Variants in PRSS57 observed in about 807,000 individuals in gnomAD.
PRSS57 encodes neutrophil serine protease 4.
Under a neutral mutation model 20.6 loss-of-function variants are expected in PRSS57, and 19 were observed. The ratio of observed to expected loss-of-function variants is 0.92; its 90% CI spans 0.64 to 1.35. The LOEUF is 1.35. PRSS57 is among the 40% of genes most tolerant of loss of function. The probability of loss-of-function intolerance (pLI) is 0.00; values close to 1 mark genes in which losing one functional copy is unlikely to be tolerated. For synonymous variants in PRSS57, 203 were observed against 176.6 expected, an observed-to-expected ratio of 1.15 and a Z score of -1.19; for missense variants, 440 against 403.7, an observed-to-expected ratio of 1.09 and a Z score of -0.77.
chr19:689,659 T>G (rs2031582261), intron 3 of PRSS57, among the ~76,000 whole-genome samples: 1 of 152,146 alleles, frequency 6.6e-6, no homozygotes, highest in Admixed American at 6.5e-5. Context: ...CAGCTCAGGT[T>G]TGTAATCCCA....
chr19:692,259 C>T (rs2031669771), intron 2 of PRSS57, among the ~76,000 whole-genome samples: 1 of 151,482 alleles, frequency 6.6e-6, no homozygotes, highest in African/African-American at 2.4e-5. Context: ...ATCCCAGCTA[C>T]TCGGGAGGCT....
intron 3 of PRSS57, 62 bp downstream of exon 3, chr19:691,796 G>T (rs2031655256): frequency 1.5e-6 from 2 of 1,297,524 alleles, no homozygotes; most frequent in Admixed American, 3.2e-5. Context: ...TCCAGCCCGA[G>T]CGACAGAGCG....
chr19:691,306 C>T (rs1327306736), intron 3 of PRSS57: 1 of 152,322 alleles, frequency 6.6e-6, no homozygotes, highest in Non-Finnish European at 1.5e-5. Context: ...GAGTTCGAGA[C>T]CAGCCTGGCC....
chr19:687,936 C>G (rs1303121863), intron 3 of PRSS57, among the ~76,000 whole-genome samples: 1 of 152,218 alleles, frequency 6.6e-6, no homozygotes, highest in Non-Finnish European at 1.5e-5. Flanking sequence ...TCAGCCATCT[C>G]AGCATGGATG....
chr19:691,614 G>A (rs1270420662), intron 3 of PRSS57, among the ~76,000 whole-genome samples: 1 of 151,836 alleles, frequency 6.6e-6, no homozygotes, highest in Non-Finnish European at 1.5e-5. Flanking sequence ...GAAGTCAGGA[G>A]CTTGAGACCA....
chr19:686,997 G>A lies in PRSS57; in HGVS notation c.570C>T (p.Ser190=). Residue 190 remains serine (S), a synonymous_variant, in exon 4 of 5, where the codon TCC becomes TCT. Coordinates refer to ENST00000329267, the MANE Select transcript of PRSS57 (RefSeq NM_001308209.2). ...TGGTAAGTGTCAGGTGGCCCTTCCA[G>A]GAGCTGTTGCAGACGTCCGGGTCCA... is the stretch of plus-strand genomic sequence containing the variant. ...RVLDPDVCNS[S]WKGHLTLTML... 1 of 1,614,110 alleles carries A rather than the reference G, an allele frequency of 6.2e-7. No individual in the cohort carries two copies.
chr19:688,602 C>CTTTTTTTTTTT lies in PRSS57; in HGVS notation c.379-1425_379-1415dup, dbSNP rs11451021. ...CCACCCGGAGGACTCCACCCAGGGA[C>CTTTTTTTTTTT]TTTTTTTTTTTTTTCAGATGGAGTC... On this transcript the variant is annotated intron_variant, in intron 3 of 4. Coordinates refer to ENST00000329267, the MANE Select transcript of PRSS57 (RefSeq NM_001308209.2). Among the ~76,000 whole-genome samples, 245 of 110,170 alleles carry CTTTTTTTTTTT rather than the reference C, an allele frequency of 2.2e-3. 21 individuals carry two copies. Among genetic ancestry groups the CTTTTTTTTTTT allele is most frequent in the African/African-American group, 8.8e-3 (229 of 26,132 alleles). 72.3% of individuals were successfully genotyped at this position (110,170 alleles called of 152,430 possible).
At chr19:694,476 G>A (rs918159291) in intron 2 of PRSS57, among the ~76,000 whole-genome samples, 2 of 151,564 alleles carry the variant, frequency 1.3e-5, no homozygotes, top group African/African-American at 4.9e-5. Flanking sequence ...GCTGAGGCAG[G>A]AGAATCGCTT....
intron 3 of PRSS57, chr19:690,382 G>A (rs1351387857): frequency 6.3e-6 from 1 of 158,382 alleles, no homozygotes; most frequent in Non-Finnish European, 1.4e-5. Context: ...GTGCAGTGGG[G>A]CGGCCCTGGG....
rs1388964319 is a variant in PRSS57 at position 685,848 on chromosome 19, G to A, written c.717C>T (p.Gly239=). The A allele has an allele frequency of 1.0e-5, 16 of 1,560,338 alleles. No homozygotes were observed. Among genetic ancestry groups the A allele is most frequent in the African/African-American group, 5.4e-5 (4 of 73,608 alleles). ...GLVSFSGLWC[G]DPKTPDVYTQ... ...TGTACACGTCGGGGGTCTTGGGGTCGCCGCACCAGAGGCCCGAGAAGGAAA... is the reference window on the plus strand; with the variant it reads ...TGTACACGTCGGGGGTCTTGGGGTCACCGCACCAGAGGCCCGAGAAGGAAA... Residue 239 remains glycine, a synonymous_variant, in exon 5 of 5, where the codon GGC becomes GGT. Transcript: ENST00000329267.
chr19:693,779 C>G (rs1031144926), intron 2 of PRSS57, among the ~76,000 whole-genome samples: 4 of 151,886 alleles, frequency 2.6e-5, no homozygotes, highest in African/African-American at 9.7e-5. Flanking sequence ...TCGCTCTGTC[C>G]CCCAGGCTGG....
At chr19:695,272 CG>C (rs1489209191) in intron 1 of PRSS57, 79 bp downstream of exon 1, 23 of 662,576 alleles carry the variant, frequency 3.5e-5, no homozygotes, top group Non-Finnish European at 4.9e-5. Context: ...AGGGTTCTCC[CG>C]GGACTGGGGG....
chr19:693,001 C>T (rs1245203418), intron 2 of PRSS57, among the ~76,000 whole-genome samples: 1 of 151,058 alleles, frequency 6.6e-6, no homozygotes, highest in African/African-American at 2.4e-5. Context: ...AATCTTGGCT[C>T]TCTGCAAGCT....
intron 2 of PRSS57, among the ~76,000 whole-genome samples, chr19:693,685 C>T (rs1220805151): frequency 6.6e-6 from 1 of 152,076 alleles, no homozygotes; most frequent in Non-Finnish European, 1.5e-5. Context: ...TCTCCTACCT[C>T]AGCCTCCCGA....
intron 3 of PRSS57, chr19:690,452 G>A (rs1284358276): frequency 1.8e-5 from 3 of 171,110 alleles, no homozygotes; most frequent in South Asian, 2.2e-4. Flanking sequence ...CTGGGGCCGC[G>A]GAGCTCACAG....
In PRSS57 at chr19:695,346, C is replaced by T. The variant is rs1166897148; in HGVS notation, c.79+6G>A. On this transcript the variant is annotated splice_donor_region_variant and intron_variant, in intron 1 of 4. Transcript: ENST00000329267. ...GCCTGGGTGGGGATCCCGGGGGGCT[C>T]CTCACCGGGGGGCTTCACGGGCAGC... is the stretch of plus-strand genomic sequence containing the variant. The T allele has an allele frequency of 1.0e-5, 13 of 1,262,202 alleles. No individual in the cohort carries two copies. In the South Asian group the frequency reaches 1.1e-4, roughly 11 times the overall value. The allele number at this position is 1,262,202 out of a possible 1,614,324, so 78.2% of individuals were successfully genotyped here. A position where few individuals can be genotyped will look rare whatever the true frequency, so the allele number is the denominator to read the frequency against.
chr19:687,407 GTTCTT>G (rs958832392), intron 3 of PRSS57, among the ~76,000 whole-genome samples: 1 of 152,204 alleles, frequency 6.6e-6, no homozygotes, highest in Admixed American at 6.5e-5. Flanking sequence ...TTTCTGTTCT[GTTCTT>G]TTCTTTTTTT....
chr19:689,935 C>G (rs572601933), intron 3 of PRSS57, among the ~76,000 whole-genome samples: 1 of 151,824 alleles, frequency 6.6e-6, no homozygotes, highest in South Asian at 2.1e-4. Context: ...TGCCTGTGAT[C>G]CCAGCTACTC....
chr19:693,160 T>C (rs2031695299), intron 2 of PRSS57, among the ~76,000 whole-genome samples: 1 of 150,608 alleles, frequency 6.6e-6, no homozygotes, highest in Non-Finnish European at 1.5e-5. Context: ...CTCGATCTCC[T>C]GACCTCGTGA....
Sources: allele counts gnomAD v4.1 joint callset (sites outside exome capture counted in the v4.1 genomes callset), GRCh38; gene constraint gnomAD v4.1.1; transcripts MANE v1.5; gene names NCBI Gene and HGNC (gene_info 2026-07-23, HGNC 2026-07-21).